The following DST variants were observed in gnomAD, a reference collection of about 807,000 sequenced individuals.
The protein encoded by DST is dystonin, also known as bullous pemphigoid antigen.
In DST, 253 loss-of-function variants were observed where a neutral mutation model predicts 875.2. The ratio of observed to expected loss-of-function variants is 0.29; its 90% CI spans 0.26 to 0.32. The LOEUF (loss-of-function observed/expected upper bound fraction) is 0.32. Ranked by LOEUF, DST falls within the 10% of genes least tolerant of loss-of-function variation. DST has a pLI of 1.00. For missense variants in DST, 8,287 were observed against 9,111.6 expected, an observed-to-expected ratio of 0.91 and a Z score of 3.68; for synonymous variants, 3,124 against 3,197.1, an observed-to-expected ratio of 0.98 and a Z score of 0.77.
intron 98 of DST, 137 bp from the exon 99 acceptor site, chr6:56,466,332 A>T: frequency 3.9e-6 from 2 of 510,144 alleles, no homozygotes; most frequent in Non-Finnish European, 6.7e-6. Context: ...AATCTCAGAA[A>T]AGGGGGTTTG....
intron 5 of DST, among the ~76,000 whole-genome samples, chr6:56,722,252 T>A (rs1036712131): frequency 7.2e-5 from 11 of 152,268 alleles, no homozygotes; most frequent in African/African-American, 2.7e-4. Flanking sequence ...TTAACTCCTT[T>A]AAAGGAGATG....
chr6:56,725,559 G>A (rs2099450303), intron 5 of DST, among the ~76,000 whole-genome samples: 1 of 152,180 alleles, frequency 6.6e-6, no homozygotes, highest in South Asian at 2.1e-4. Flanking sequence ...AGAAGAGGGT[G>A]ATTCTAAGGA....
chr6:56,617,248 G>A, intron 36 of DST: 1 of 1,609,416 alleles, frequency 6.2e-7, no homozygotes, highest in Non-Finnish European at 8.5e-7. Context: ...CACCATCAAA[G>A]TTCTGGAAGG....
At chr6:56,760,971 G>C (rs1487936577) in intron 4 of DST, among the ~76,000 whole-genome samples, 1 of 152,230 alleles carries the variant, frequency 6.6e-6, no homozygotes, top group Non-Finnish European at 1.5e-5. Flanking sequence ...CACTGTGCAT[G>C]TAGGGACACT....
chr6:56,617,313 C>T (rs1379512224), intron 36 of DST: 1 of 1,613,926 alleles, frequency 6.2e-7, no homozygotes, highest in Non-Finnish European at 8.5e-7. Flanking sequence ...CCACCAGATG[C>T]TCTGCACCCT....
At chr6:56,897,685 TG>T (rs897588088) in intron 3 of DST, among the ~76,000 whole-genome samples, 25 of 152,150 alleles carry the variant, frequency 1.6e-4, no homozygotes, top group African/African-American at 6.0e-4. Flanking sequence ...TCAGATTGTC[TG>T]TCCATCTCTT....
intron 5 of DST, among the ~76,000 whole-genome samples, chr6:56,707,604 C>A (rs969202261): frequency 6.6e-6 from 1 of 152,250 alleles, no homozygotes; most frequent in East Asian, 1.9e-4. Context: ...TATGCCTACA[C>A]CCTACCAGAC....
chr6:56,647,748 C>T (rs1284816943), intron 13 of DST, among the ~76,000 whole-genome samples: 5 of 149,686 alleles, frequency 3.3e-5, no homozygotes, highest in Non-Finnish European at 5.9e-5. Context: ...TGCAGTGATG[C>T]GATCTCGGCT....
At chr6:56,896,259 A>G (rs1791229254) in intron 3 of DST, among the ~76,000 whole-genome samples, 1 of 151,956 alleles carries the variant, frequency 6.6e-6, no homozygotes, top group Non-Finnish European at 1.5e-5. Flanking sequence ...CAGAATTCCC[A>G]CGTGTTGTGG....
intron 4 of DST, among the ~76,000 whole-genome samples, chr6:56,768,260 T>C (rs1291389014): frequency 2.0e-5 from 3 of 152,190 alleles, no homozygotes; most frequent in Admixed American, 1.3e-4. Flanking sequence ...AAATAACAAG[T>C]TGAATGACTA....
intron 9 of DST, among the ~76,000 whole-genome samples, chr6:56,698,987 A>AG (rs2099278720): frequency 1.3e-5 from 2 of 152,210 alleles, no homozygotes; most frequent in African/African-American, 2.4e-5. Context: ...TAGTAGCAGA[A>AG]CATTTCTTAA....
intron 2 of DST, among the ~76,000 whole-genome samples, chr6:56,933,058 T>C (rs796479999): frequency 3.3e-5 from 5 of 152,204 alleles, no homozygotes; most frequent in African/African-American, 1.2e-4. Flanking sequence ...GAACAGCATG[T>C]AGACCTCAGA....
chr6:56,778,544 C>A (rs1487364931), intron 4 of DST, among the ~76,000 whole-genome samples: 8 of 124,700 alleles, frequency 6.4e-5, no homozygotes, highest in Middle Eastern at 4.3e-3. Flanking sequence ...TCCCCCCACC[C>A]CACAACAGGC....
At chr6:56,762,844 CTTTT>C (rs869153143) in intron 4 of DST, among the ~76,000 whole-genome samples, 2 of 111,900 alleles carry the variant, frequency 1.8e-5, no homozygotes, top group African/African-American at 7.5e-5. Flanking sequence ...AGAACACCAC[CTTTT>C]TTTTTTTTTT....
intron 61 of DST, among the ~76,000 whole-genome samples, chr6:56,539,303 A>G (rs1477466686): frequency 6.6e-6 from 1 of 152,240 alleles, no homozygotes; most frequent in Non-Finnish European, 1.5e-5. Context: ...CTCCCCTAAG[A>G]TTTAATTGTT....
chr6:56,624,744 C>A, intron 35 of DST, 116 bp from the exon 36 acceptor site: 2 of 714,986 alleles, frequency 2.8e-6, no homozygotes, highest in South Asian at 1.5e-5. Flanking sequence ...GCACACAACT[C>A]CCCCCATAAT....
At chr6:56,834,020 G>A (rs964997854) in intron 4 of DST, among the ~76,000 whole-genome samples, 1 of 152,062 alleles carries the variant, frequency 6.6e-6, no homozygotes, top group Non-Finnish European at 1.5e-5. Context: ...TAGAGCCCAG[G>A]AATTCAAGAC....
rs765878775 is a variant in DST, at chr6:56,508,723, T to C, written c.19045A>G (p.Ile6349Val). The part of the protein sequence containing the change: ...VQDKLDQMVF[I>V]WENIHTLVEE... Reference sequence around the variant, plus strand: ...ACCAGTGTGTGTATGTTCTCCCAAATGAAAACCATTTGGTCAAGCTTATCC... The same window carrying C: ...ACCAGTGTGTGTATGTTCTCCCAAACGAAAACCATTTGGTCAAGCTTATCC... The change falls in exon 75 of 104, where the codon ATT becomes GTT. Residue 6349 changes from isoleucine (I) to valine (V), a missense_variant. Physicochemically the swap from Ile to Val is conservative, Grantham distance 29. Around this residue, in one of 10 missense-constraint regions of DST, gnomAD observed 1,292 missense variants for 1,552.7 expected, o/e 0.83. Coordinates refer to ENST00000680361, the MANE Select transcript of DST (RefSeq NM_001374736.1). 1.2e-6 allele frequency: 2 copies of C among 1,613,628 alleles called. No homozygotes were observed. The highest frequency in any genetic ancestry group is 1.7e-6 in the Non-Finnish European group (2 of 1,179,724).
intron 3 of DST, among the ~76,000 whole-genome samples, chr6:56,868,555 C>T (rs536505268): frequency 5.3e-4 from 80 of 152,100 alleles, no homozygotes; most frequent in South Asian, 1.0e-3. Context: ...CACAACTCAC[C>T]GTCCTCTCAA....
Sources: allele counts gnomAD v4.1 joint callset (sites outside exome capture counted in the v4.1 genomes callset), GRCh38; gene constraint gnomAD v4.1.1; regional missense constraint gnomAD v4.1.1; transcripts MANE v1.5; gene names NCBI Gene and HGNC (gene_info 2026-07-23, HGNC 2026-07-21).